AFAP1L2: variants seen among roughly 807,000 people sequenced by gnomAD.
AFAP1L2 encodes actin filament-associated protein 1-like 2.
Under a neutral mutation model 99.3 loss-of-function variants are expected in AFAP1L2, and 46 were observed. That is an observed-to-expected ratio of 0.46 (90% CI 0.37 to 0.59). The LOEUF is 0.59. Ranked by LOEUF, AFAP1L2 falls within the 20% of genes least tolerant of loss-of-function variation. The probability of loss-of-function intolerance (pLI) is 0.00; values close to 1 mark genes in which losing one functional copy is unlikely to be tolerated. For missense variants in AFAP1L2, 959 were observed against 1,034.9 expected, an observed-to-expected ratio of 0.93 and a Z score of 1.01; for synonymous variants, 397 against 419.1, an observed-to-expected ratio of 0.95 and a Z score of 0.64.
At chr10:114,313,323 C>T (rs1564834204) in intron 7 of AFAP1L2, among the ~76,000 whole-genome samples, 1 of 152,164 alleles carries the variant, frequency 6.6e-6, no homozygotes, top group African/African-American at 2.4e-5. Flanking sequence ...CTCATAATCA[C>T]ACCCAGGGAC....
intron 9 of AFAP1L2, 93 bp downstream of exon 9, chr10:114,308,340 T>G: frequency 9.0e-7 from 1 of 1,111,746 alleles, no homozygotes; most frequent in Non-Finnish European, 1.3e-6. Context: ...GGGGGCCATG[T>G]TAGAATCCGC....
chr10:114,399,094 C>G (rs2058009108), intron 1 of AFAP1L2, among the ~76,000 whole-genome samples: 1 of 152,178 alleles, frequency 6.6e-6, no homozygotes, highest in African/African-American at 2.4e-5. Context: ...TTTCCCCACT[C>G]CCCAATCATG....
chr10:114,345,303 G>T (rs151235969), intron 1 of AFAP1L2, among the ~76,000 whole-genome samples: 2 of 152,070 alleles, frequency 1.3e-5, no homozygotes, highest in South Asian at 2.1e-4. Flanking sequence ...GATGAAGAGG[G>T]CTTTATTATT....
rs772522002 is a variant in AFAP1L2, at chr10:114,326,043, A to G, written c.316-2782T>C. 5 of 1,287,368 alleles carry G rather than the reference A, an allele frequency of 3.9e-6. No individual in the cohort carries two copies. In the South Asian group the frequency reaches 4.9e-5, roughly 13 times the overall value. The allele number at this position is 1,287,368 out of a possible 1,614,324, so 79.7% of individuals were successfully genotyped here. A position where few individuals can be genotyped will look rare whatever the true frequency, so the allele number is the denominator to read the frequency against. ...ATCTGGCCCAAGGTCAGGATTCTCT[A>G]GAGTCGAACAGGACAAAGGGAGGAG... On this transcript the variant is annotated intron_variant, in intron 4 of 18. Transcript: ENST00000304129.
chr10:114,338,245 G>A (rs2048280508), intron 2 of AFAP1L2, among the ~76,000 whole-genome samples: 1 of 152,202 alleles, frequency 6.6e-6, no homozygotes, highest in Non-Finnish European at 1.5e-5. Flanking sequence ...GGACTGTGAT[G>A]GCCAGGGCAG....
At chr10:114,320,641 T>A (rs1180704247) in intron 5 of AFAP1L2, among the ~76,000 whole-genome samples, 1 of 152,220 alleles carries the variant, frequency 6.6e-6, no homozygotes, top group Non-Finnish European at 1.5e-5. Flanking sequence ...AAGCTGTCCT[T>A]GGGATGACCC....
rs536059703 is a variant in AFAP1L2, at chr10:114,307,936, C to T, written c.968-27G>A. The stretch of plus-strand genomic sequence containing the variant: ...TGTCAAGATGAGACAGAAAGCAATT[C>T]GTATTGCACGTGGTCCACCCACGTG... On this transcript the variant is annotated intron_variant, in intron 9 of 18. Coordinates refer to ENST00000304129, the MANE Select transcript of AFAP1L2 (RefSeq NM_001001936.3). 137 of 1,603,244 alleles carry T rather than the reference C, an allele frequency of 8.5e-5. 1 individual carries two copies. In the East Asian group the frequency reaches 1.6e-3, roughly 19 times the overall value.
At chr10:114,302,564 G>A (rs543807641) in intron 11 of AFAP1L2, 80 bp from the exon 12 acceptor site, 93 of 1,567,356 alleles carry the variant, frequency 5.9e-5, no homozygotes, top group Admixed American at 8.6e-5. Context: ...GGCCATGACC[G>A]TACCCCTACC....
At chr10:114,349,498 G>C (rs2050130678) in intron 1 of AFAP1L2, among the ~76,000 whole-genome samples, 1 of 149,098 alleles carries the variant, frequency 6.7e-6, no homozygotes, top group Admixed American at 6.7e-5. Flanking sequence ...TGGGAGGATT[G>C]CTTGAGCCCA....
the AFAP1L2 span, chr10:114,286,552 G>C: frequency 6.7e-7 from 1 of 1,493,564 alleles, no homozygotes; most frequent in Admixed American, 2.2e-5. Flanking sequence ...TGGTCAGTGG[G>C]CGGGTCCTTC....
intron 4 of AFAP1L2, among the ~76,000 whole-genome samples, chr10:114,329,552 T>A (rs77744509): frequency 6.6e-6 from 1 of 152,068 alleles, no homozygotes; most frequent in Non-Finnish European, 1.5e-5. Flanking sequence ...GGATTTAGGA[T>A]AGAAAAGTTC....
chr10:114,296,639 C>CACTG (rs1206196306), intron 18 of AFAP1L2: 17 of 285,770 alleles, frequency 5.9e-5, no homozygotes, highest in Non-Finnish European at 9.5e-5. Flanking sequence ...CCTGTGGAGT[C>CACTG]ACTGACTGAC....
chr10:114,346,368 T>C (rs918869049), intron 1 of AFAP1L2, among the ~76,000 whole-genome samples: 1 of 152,130 alleles, frequency 6.6e-6, no homozygotes, highest in Non-Finnish European at 1.5e-5. Context: ...CTCTTTCCGG[T>C]CAAGGGTCAA....
At chr10:114,322,757 A>G (rs1458418470) in intron 5 of AFAP1L2, among the ~76,000 whole-genome samples, 1 of 152,216 alleles carries the variant, frequency 6.6e-6, no homozygotes, top group African/African-American at 2.4e-5. Context: ...GTGAAAGAAC[A>G]TGGAAACTGA....
intron 1 of AFAP1L2, among the ~76,000 whole-genome samples, chr10:114,384,665 G>T (rs1407733657): frequency 6.6e-6 from 1 of 152,228 alleles, no homozygotes; most frequent in African/African-American, 2.4e-5. Flanking sequence ...TAGTAGGTAA[G>T]GCCCATGGGG....
At chr10:114,294,513 A>G (rs2039892041), downstream of AFAP1L2, among the ~76,000 whole-genome samples, 1 of 152,132 alleles carries the variant, frequency 6.6e-6, no homozygotes, top group Non-Finnish European at 1.5e-5. Flanking sequence ...TACTTAGGCA[A>G]CCTTCCCAGT....
intron 7 of AFAP1L2, among the ~76,000 whole-genome samples, chr10:114,312,229 A>C (rs2043354368): frequency 7.0e-6 from 1 of 143,824 alleles, no homozygotes; most frequent in Non-Finnish European, 1.5e-5. Context: ...TGGGGGCAAG[A>C]GCAGAGTGTG....
chr10:114,333,120 G>T, intron 3 of AFAP1L2, 101 bp downstream of exon 3: 2 of 1,115,852 alleles, frequency 1.8e-6, no homozygotes, highest in African/African-American at 3.1e-5. Context: ...GCGGGTCTGT[G>T]TGCCGGCTGG....
intron 1 of AFAP1L2, among the ~76,000 whole-genome samples, chr10:114,376,779 A>G (rs1214097998): frequency 2.0e-5 from 3 of 152,230 alleles, no homozygotes; most frequent in African/African-American, 7.2e-5. Flanking sequence ...CACAATTTCA[A>G]CACTATCCAA....
Sources: allele counts gnomAD v4.1 joint callset (sites outside exome capture counted in the v4.1 genomes callset), GRCh38; gene constraint gnomAD v4.1.1; transcripts MANE v1.5; gene names NCBI Gene and HGNC (gene_info 2026-07-23, HGNC 2026-07-21).